The following DLG1 variants were observed in gnomAD, a reference collection of about 807,000 sequenced individuals.
The protein encoded by DLG1 is discs large MAGUK scaffold protein 1.
DLG1 carries 42 observed loss-of-function variants against 123.4 expected under a neutral mutation model. The ratio of observed to expected loss-of-function variants is 0.34; its 90% CI spans 0.27 to 0.44. DLG1 has a LOEUF of 0.44. DLG1 is among the 20% of genes least tolerant of loss of function. DLG1 has a pLI of 1.00. For missense variants in DLG1, 942 were observed against 1,082.6 expected, an observed-to-expected ratio of 0.87 and a Z score of 1.82; for synonymous variants, 317 against 356.2, an observed-to-expected ratio of 0.89 and a Z score of 1.24.
At chr3:197,161,756 CA>C in intron 5 of DLG1, 5 of 1,502,464 alleles carry the variant, frequency 3.3e-6, no homozygotes, top group Admixed American at 4.3e-5. Flanking sequence ...TCATCAATGA[CA>C]AAAAATCAGG....
intron 6 of DLG1, 58 bp from the exon 7 acceptor site, chr3:197,142,826 A>C: frequency 7.0e-7 from 1 of 1,423,886 alleles, no homozygotes; most frequent in Non-Finnish European, 9.7e-7. Context: ...CAAAATGGCA[A>C]GGCAAAATTT....
chr3:197,115,159 T>C (rs1384723907), intron 13 of DLG1, among the ~76,000 whole-genome samples: 1 of 151,898 alleles, frequency 6.6e-6, no homozygotes, highest in Admixed American at 6.6e-5. Context: ...GATTAACTTT[T>C]AATAAACAAA....
chr3:197,140,296 A>G, intron 7 of DLG1, 32 bp from the exon 8 acceptor site: 3 of 1,607,006 alleles, frequency 1.9e-6, no homozygotes, highest in South Asian at 1.1e-5. Flanking sequence ...TTGAGACTGA[A>G]TATGATTTAT....
intron 3 of DLG1, among the ~76,000 whole-genome samples, chr3:197,292,456 A>T (rs149966659): frequency 6.4e-4 from 98 of 152,312 alleles, no homozygotes; most frequent in Non-Finnish European, 1.1e-3. Context: ...GGGAAGTGAG[A>T]GGAAAGGGGA....
At chr3:197,260,471 T>C (rs1758844020) in intron 4 of DLG1, 1 of 202,964 alleles carries the variant, frequency 4.9e-6, no homozygotes, top group Non-Finnish European at 1.0e-5. Flanking sequence ...CTATCTAAAA[T>C]ACAAGAAACC....
chr3:197,277,723 C>T (rs1767181820), intron 4 of DLG1, among the ~76,000 whole-genome samples: 1 of 152,170 alleles, frequency 6.6e-6, no homozygotes, highest in Non-Finnish European at 1.5e-5. Flanking sequence ...GCAATTCCTC[C>T]TACTCTTTAC....
chr3:197,114,645 G>T (rs1347015042), intron 13 of DLG1, among the ~76,000 whole-genome samples: 1 of 152,128 alleles, frequency 6.6e-6, no homozygotes, highest in Non-Finnish European at 1.5e-5. Context: ...CAATGACTAG[G>T]GAGTTTTACT....
At chr3:197,254,040 A>G (rs1202986715) in intron 4 of DLG1, among the ~76,000 whole-genome samples, 2 of 152,202 alleles carry the variant, frequency 1.3e-5, no homozygotes, top group Non-Finnish European at 2.9e-5. Context: ...TGACAAGCCT[A>G]GACTCAGGTG....
intron 4 of DLG1, among the ~76,000 whole-genome samples, chr3:197,205,204 T>C (rs1403642675): frequency 6.6e-6 from 1 of 151,954 alleles, no homozygotes; most frequent in African/African-American, 2.4e-5. Context: ...GGAAGCAAAA[T>C]ACAATACGAA....
intron 4 of DLG1, among the ~76,000 whole-genome samples, chr3:197,273,410 GTA>G (rs940681663): frequency 6.6e-6 from 1 of 151,866 alleles, no homozygotes; most frequent in African/African-American, 2.4e-5. Flanking sequence ...GCTAATTTTT[GTA>G]TTTTTAGCAG....
intron 4 of DLG1, among the ~76,000 whole-genome samples, chr3:197,253,916 G>C (rs1755645784): frequency 6.6e-6 from 1 of 150,410 alleles, no homozygotes; most frequent in Non-Finnish European, 1.5e-5. Flanking sequence ...CAAAATTAAA[G>C]GTTTAATTAA....
At chr3:197,175,376 G>C (rs1024924449) in intron 5 of DLG1, among the ~76,000 whole-genome samples, 4 of 152,136 alleles carry the variant, frequency 2.6e-5, no homozygotes, top group African/African-American at 9.7e-5. Flanking sequence ...CTGATACTAA[G>C]TAAAATTTTC....
chr3:197,088,476 G>T (rs952139572), intron 15 of DLG1, among the ~76,000 whole-genome samples: 2 of 152,152 alleles, frequency 1.3e-5, no homozygotes, highest in African/African-American at 4.8e-5. Flanking sequence ...GCCTCAAAGG[G>T]TGCCTCCCAC....
At chr3:197,172,718 C>T (rs1024917999) in intron 5 of DLG1, among the ~76,000 whole-genome samples, 1 of 152,106 alleles carries the variant, frequency 6.6e-6, no homozygotes, top group African/African-American at 2.4e-5. Context: ...CAGCCACCAC[C>T]AATCAGAAGG....
At chr3:197,046,863 C>T (rs1037422215) in intron 24 of DLG1, among the ~76,000 whole-genome samples, 1 of 151,282 alleles carries the variant, frequency 6.6e-6, no homozygotes, top group Admixed American at 6.6e-5. Flanking sequence ...GAGTGAGACC[C>T]TGGCTCAAAA....
chr3:197,153,886 C>G (rs994494915), intron 5 of DLG1, among the ~76,000 whole-genome samples: 1 of 151,908 alleles, frequency 6.6e-6, no homozygotes, highest in African/African-American at 2.4e-5. Context: ...AAAAGAAAAC[C>G]CTGGAGAAGA....
At chr3:197,145,466 C>T in intron 6 of DLG1, among the ~76,000 whole-genome samples, 1 of 152,168 alleles carries the variant, frequency 6.6e-6, no homozygotes, top group East Asian at 1.9e-4. Flanking sequence ...TACCAATTTT[C>T]CTTGGCATAT....
At chr3:197,122,489 A>G (rs888277174) in intron 11 of DLG1, among the ~76,000 whole-genome samples, 1 of 152,144 alleles carries the variant, frequency 6.6e-6, no homozygotes, top group Non-Finnish European at 1.5e-5. Flanking sequence ...AACAGTATAA[A>G]GATAGGAAAG....
chr3:197,173,323 G>C (rs1805239577), intron 5 of DLG1, among the ~76,000 whole-genome samples: 1 of 152,132 alleles, frequency 6.6e-6, no homozygotes, highest in African/African-American at 2.4e-5. Flanking sequence ...CCTCACTGAT[G>C]TAATTAATGT....
Sources: gnomAD v4.1 joint callset for allele counts (sites outside exome capture counted in the v4.1 genomes callset) on GRCh38, gnomAD v4.1.1 for gene constraint, MANE v1.5 for transcripts, NCBI Gene and HGNC (gene_info 2026-07-23, HGNC 2026-07-21) for gene names.